Variants in MAP2K4 observed in about 807,000 individuals in gnomAD.
MAP2K4 encodes the protein mitogen-activated protein kinase kinase 4, also known as dual specificity mitogen-activated protein kinase kinase 4.
A neutral mutation model predicts 48.5 loss-of-function variants in MAP2K4; 4 were observed. The ratio of observed to expected loss-of-function variants is 0.08; its 90% CI spans 0.04 to 0.19. MAP2K4 has a LOEUF of 0.19. Ranked by LOEUF, MAP2K4 falls within the 10% of genes least tolerant of loss-of-function variation. The pLI is 1.00. For synonymous variants in MAP2K4, 166 were observed against 173.1 expected, an observed-to-expected ratio of 0.96 and a Z score of 0.32; for missense variants, 258 against 493.3, an observed-to-expected ratio of 0.52 and a Z score of 4.52.
intron 2 of MAP2K4, among the ~76,000 whole-genome samples, chr17:12,059,400 C>A (rs1326719446): frequency 1.3e-5 from 2 of 152,224 alleles, no homozygotes; most frequent in African/African-American, 4.8e-5. Context: ...GTTAAACATT[C>A]TGTGTTTTCA....
intron 4 of MAP2K4, among the ~76,000 whole-genome samples, chr17:12,100,104 A>G (rs911831813): frequency 1.3e-5 from 2 of 152,132 alleles, no homozygotes; most frequent in Non-Finnish European, 2.9e-5. Flanking sequence ...CCACATGTAA[A>G]GTGTACAGTT....
intron 3 of MAP2K4, among the ~76,000 whole-genome samples, chr17:12,089,350 C>T (rs188039256): frequency 8.5e-5 from 13 of 152,278 alleles, no homozygotes; most frequent in Admixed American, 7.8e-4. Context: ...TAAATGCCTT[C>T]TGGTATTCTG....
intron 3 of MAP2K4, among the ~76,000 whole-genome samples, chr17:12,088,548 C>CTAATATA (rs1377868019): frequency 6.5e-4 from 84 of 130,126 alleles, no homozygotes; most frequent in African/African-American, 2.1e-3. Flanking sequence ...TAAATTATAT[C>CTAATATA]TAATATATAA....
intron 9 of MAP2K4, among the ~76,000 whole-genome samples, chr17:12,138,791 A>G (rs549085670): frequency 1.8e-4 from 27 of 152,312 alleles, no homozygotes; most frequent in South Asian, 6.2e-4. Context: ...GAAGAAGTTC[A>G]GTTGCAGTGC....
rs567060749 is a variant in MAP2K4, at chr17:12,125,226, G to C, written c.814-68G>C. 3.9e-5 allele frequency: 45 copies of C among 1,157,346 alleles called. No homozygotes were observed. In the African/African-American group the frequency reaches 5.3e-4, roughly 14 times the overall value. 71.7% of individuals were successfully genotyped at this position (1,157,346 alleles called of 1,614,324 possible). A position where few individuals can be genotyped will look rare whatever the true frequency, so the allele number is the denominator to read the frequency against. On this transcript the variant is annotated intron_variant, in intron 7 of 10. Transcript: ENST00000353533. The stretch of plus-strand genomic sequence containing the variant: ...TGGCATTTTGGCTGTCTACCCAGCT[G>C]TTGCTTCCATTTGCCTATTCCTTGA...
chr17:12,048,238 T>C (rs1178699256), intron 1 of MAP2K4, among the ~76,000 whole-genome samples: 2 of 152,228 alleles, frequency 1.3e-5, no homozygotes, highest in Admixed American at 6.5e-5. Context: ...AGCTACCTTA[T>C]CTATTGTTCA....
chr17:12,112,437 T>A (rs1400366014), intron 6 of MAP2K4, among the ~76,000 whole-genome samples: 1 of 123,122 alleles, frequency 8.1e-6, no homozygotes, highest in African/African-American at 3.1e-5. Context: ...CATTCCAGCC[T>A]GGGTAAAAAA....
intron 1 of MAP2K4, among the ~76,000 whole-genome samples, chr17:12,022,932 G>C (rs1329283258): frequency 6.6e-6 from 1 of 152,144 alleles, no homozygotes; most frequent in Non-Finnish European, 1.5e-5. Flanking sequence ...TCCAAAGCAG[G>C]GAAGAGCTTG....
chr17:12,095,528 G>A, intron 3 of MAP2K4, 47 bp from the exon 4 acceptor site: 1 of 1,609,732 alleles, frequency 6.2e-7, no homozygotes, highest in Non-Finnish European at 8.5e-7. Flanking sequence ...TGGTGTTTTT[G>A]ACAAAATTAT....
At chr17:12,061,851 T>C (rs565041559) in intron 2 of MAP2K4, among the ~76,000 whole-genome samples, 47 of 152,262 alleles carry the variant, frequency 3.1e-4, no homozygotes, top group African/African-American at 1.1e-3. Context: ...AACTTTTATC[T>C]ATTATTAAGG....
At chr17:12,124,016 T>G (rs1022571934) in intron 7 of MAP2K4, among the ~76,000 whole-genome samples, 2 of 152,222 alleles carry the variant, frequency 1.3e-5, no homozygotes, top group Non-Finnish European at 2.9e-5. Flanking sequence ...GTATTTTTTC[T>G]CTTGGTTGAA....
chr17:12,120,757 C>T (rs1972662617), intron 7 of MAP2K4, among the ~76,000 whole-genome samples: 1 of 152,088 alleles, frequency 6.6e-6, no homozygotes, highest in Non-Finnish European at 1.5e-5. Flanking sequence ...CTAGAGGACC[C>T]ACTTCTGGCC....
intron 7 of MAP2K4, among the ~76,000 whole-genome samples, chr17:12,124,005 A>G (rs1972773197): frequency 6.6e-6 from 1 of 152,188 alleles, no homozygotes; most frequent in Non-Finnish European, 1.5e-5. Flanking sequence ...TGTTGGATGG[A>G]GTATTTTTTC....
intron 2 of MAP2K4, chr17:12,069,912 T>TAC (rs1970738879): frequency 1.9e-5 from 1 of 51,290 alleles, no homozygotes; most frequent in Non-Finnish European, 3.4e-5. Flanking sequence ...TATATATATA[T>TAC]ATATATATAT....
Position 12,142,420 on chromosome 17 carries a change from T to C in MAP2K4, c.*1160T>C. The C allele has an allele frequency of 4.3e-6, 1 of 233,102 alleles. No homozygotes were observed. The highest frequency in any genetic ancestry group is 6.0e-5 in the East Asian group (1 of 16,564). 14.4% of individuals were successfully genotyped at this position (233,102 alleles called of 1,614,324 possible). On this transcript the variant is annotated 3_prime_UTR_variant, in exon 11 of 11. Transcript: ENST00000353533. ...ATGTGACTTGCGCTTAATCCAATAT[T>C]TTGCCTTTTTTCTATATCAAAAAAC... is the stretch of plus-strand genomic sequence containing the variant.
chr17:12,074,695 A>ATCC (rs1290981824), intron 2 of MAP2K4, among the ~76,000 whole-genome samples: 1 of 152,098 alleles, frequency 6.6e-6, no homozygotes, highest in Non-Finnish European at 1.5e-5. Context: ...GCTGTCTCTT[A>ATCC]TCCTGTACTC....
intron 7 of MAP2K4, among the ~76,000 whole-genome samples, chr17:12,120,298 A>G (rs1208760917): frequency 1.3e-5 from 2 of 152,082 alleles, no homozygotes; most frequent in Non-Finnish European, 2.9e-5. Context: ...CATCACTACT[A>G]AAAATACAAA....
intron 7 of MAP2K4, chr17:12,115,416 T>C: frequency 2.3e-6 from 1 of 443,174 alleles, no homozygotes; most frequent in South Asian, 1.9e-5. Context: ...ACTACAAGCC[T>C]ATACAGCATG....
chr17:12,117,687 G>C (rs1412311834), intron 7 of MAP2K4, among the ~76,000 whole-genome samples: 1 of 152,084 alleles, frequency 6.6e-6, no homozygotes, highest in Non-Finnish European at 1.5e-5. Flanking sequence ...CCCCTAGAGA[G>C]ACAGCAGTTT....
Sources: gnomAD v4.1 joint callset for allele counts (sites outside exome capture counted in the v4.1 genomes callset) on GRCh38, gnomAD v4.1.1 for gene constraint, MANE v1.5 for transcripts, NCBI Gene and HGNC (gene_info 2026-07-23, HGNC 2026-07-21) for gene names.